The following TLK1 variants were observed in gnomAD, a reference collection of about 807,000 sequenced individuals.
TLK1 encodes the protein tousled like kinase 1.
Under a neutral mutation model 105.3 loss-of-function variants are expected in TLK1, and 24 were observed. That is an observed-to-expected ratio of 0.23 (90% CI 0.17 to 0.32). The LOEUF (loss-of-function observed/expected upper bound fraction) is 0.32. TLK1 is among the 10% of genes least tolerant of loss of function. The pLI is 1.00. For synonymous variants in TLK1, 321 were observed against 310.4 expected, an observed-to-expected ratio of 1.03 and a Z score of -0.36; for missense variants, 558 against 910.5, an observed-to-expected ratio of 0.61 and a Z score of 4.98.
intron 2 of TLK1, among the ~76,000 whole-genome samples, chr2:171,103,296 C>A (rs1689775179): frequency 7.7e-6 from 1 of 129,670 alleles, no homozygotes; most frequent in Non-Finnish European, 1.6e-5. Context: ...TTTTTTGAGA[C>A]ATAAGTCACA....
At chr2:171,106,046 C>T (rs191746128) in intron 2 of TLK1, among the ~76,000 whole-genome samples, 18 of 152,306 alleles carry the variant, frequency 1.2e-4, no homozygotes, top group Admixed American at 9.1e-4. Context: ...TTCTCTCATT[C>T]ACAGCAACAC....
At chr2:171,076,045 C>A (rs1387619020) in intron 3 of TLK1, among the ~76,000 whole-genome samples, 52 of 152,292 alleles carry the variant, frequency 3.4e-4, no homozygotes, top group Admixed American at 5.9e-4. Flanking sequence ...TGGTGAAACC[C>A]TGTCTCCACT....
intron 1 of TLK1, among the ~76,000 whole-genome samples, chr2:171,188,523 GT>G (rs1693079119): frequency 6.6e-6 from 1 of 152,110 alleles, no homozygotes; most frequent in Non-Finnish European, 1.5e-5. Context: ...GGCCAACATA[GT>G]GAAACCCTGT....
At chr2:171,087,281 T>C (rs547391074) in intron 2 of TLK1, among the ~76,000 whole-genome samples, 119 of 152,198 alleles carry the variant, frequency 7.8e-4, no homozygotes, top group African/African-American at 2.7e-3. Context: ...AACGACAAGA[T>C]TGGAAATTTC....
At chr2:171,125,804 T>C (rs1033739953) in intron 1 of TLK1, among the ~76,000 whole-genome samples, 2 of 152,212 alleles carry the variant, frequency 1.3e-5, no homozygotes, top group African/African-American at 4.8e-5. Context: ...ATTTCTGAGA[T>C]TTTGGTGCAC....
chr2:171,108,575 AC>A (rs1020754500), intron 2 of TLK1, among the ~76,000 whole-genome samples: 1 of 152,156 alleles, frequency 6.6e-6, no homozygotes, highest in Non-Finnish European at 1.5e-5. Flanking sequence ...GTATCAAAAA[AC>A]ATATGCTGTC....
chr2:171,141,486 T>C (rs1220184743), intron 1 of TLK1, among the ~76,000 whole-genome samples: 1 of 151,888 alleles, frequency 6.6e-6, no homozygotes, highest in African/African-American at 2.4e-5. Flanking sequence ...AAATAAAAGA[T>C]CACACCTAGA....
At chr2:171,128,305 TC>T (rs1690953917) in intron 1 of TLK1, among the ~76,000 whole-genome samples, 1 of 152,208 alleles carries the variant, frequency 6.6e-6, no homozygotes, top group South Asian at 2.1e-4. Context: ...TTTTCTTTCA[TC>T]AAAAACATAC....
chr2:171,118,613 A>C (rs1372929146), intron 1 of TLK1, among the ~76,000 whole-genome samples: 1 of 152,228 alleles, frequency 6.6e-6, no homozygotes, highest in African/African-American at 2.4e-5. Context: ...GTTATTATGC[A>C]GACTAAAGCA....
chr2:171,111,501 C>T (rs914367149), intron 2 of TLK1, among the ~76,000 whole-genome samples: 5 of 150,822 alleles, frequency 3.3e-5, no homozygotes, highest in South Asian at 4.3e-4. Context: ...AGAGGGACTG[C>T]TTGAGCCTGG....
Position 171,156,914 on chromosome 2 carries a change from T to A in TLK1, c.139+3376A>T, listed in dbSNP as rs188201218. 4.5e-3 allele frequency among the ~76,000 whole-genome samples: 691 copies of A among 152,282 alleles called. 7 individuals are homozygous for A. Among genetic ancestry groups the A allele is most frequent in the African/African-American group, 0.015 (629 of 41,562 alleles). The stretch of plus-strand genomic sequence containing the variant: ...GACGCTATCTAGGCTTACCGCAGCC[T>A]CCACCTCCCAGGCTCAAGCAATCCT... On this transcript the variant is annotated intron_variant, in intron 1 of 20. Transcript: ENST00000431350.
Position 170,991,825 on chromosome 2 carries a change from TAAC to T in TLK1, c.*1952_*1954del, listed in dbSNP as rs1575490550. The T allele has an allele frequency of 6.6e-6, 1 of 152,312 alleles. No individual in the cohort carries two copies. Among genetic ancestry groups the T allele is most frequent in the Non-Finnish European group, 1.5e-5 (1 of 68,010 alleles). The allele number at this position is 152,312 out of a possible 1,614,324, so 9.4% of individuals were successfully genotyped here. On this transcript the variant is annotated 3_prime_UTR_variant, in exon 21 of 21. Transcript: ENST00000431350. ...TTATCATTCATAAAGACGAAAACTC[TAAC>T]AACAAAACTGAAAACTTGCAGGCAG...
At position 171,049,738 on chromosome 2, in the gene TLK1, T is replaced by C. The variant is rs911506583; in HGVS notation, c.980+76A>G. ...GTAGCGAGGAACTGGAGAGCATAAT[T>C]ACAAATCTATAATCTTTTAAAGTAA... On this transcript the variant is annotated intron_variant, in intron 10 of 20. Coordinates refer to ENST00000431350, the MANE Select transcript of TLK1 (RefSeq NM_012290.5). 1.7e-5 allele frequency: 27 copies of C among 1,566,668 alleles called. No individual in the cohort carries two copies. In the East Asian group the frequency reaches 5.4e-4, roughly 31 times the overall value.
chr2:171,139,977 G>A (rs1186185637), intron 1 of TLK1, among the ~76,000 whole-genome samples: 4 of 152,180 alleles, frequency 2.6e-5, no homozygotes, highest in African/African-American at 7.2e-5. Context: ...CTAATGCCAC[G>A]GATGATCTCA....
chr2:171,050,827 T>A (rs1010629904), intron 8 of TLK1, among the ~76,000 whole-genome samples: 2 of 152,188 alleles, frequency 1.3e-5, no homozygotes, highest in Admixed American at 6.5e-5. Context: ...TAGGGCTTGT[T>A]ACAACAGATT....
chr2:171,044,182 G>A (rs1471820557), intron 11 of TLK1, among the ~76,000 whole-genome samples: 1 of 152,124 alleles, frequency 6.6e-6, no homozygotes, highest in African/African-American at 2.4e-5. Flanking sequence ...AGCACTTTGG[G>A]AAACCAAGGC....
chr2:170,994,481 C>G (rs1683952634), intron 20 of TLK1, among the ~76,000 whole-genome samples: 1 of 149,672 alleles, frequency 6.7e-6, no homozygotes, highest in Admixed American at 6.7e-5. Context: ...AATATAATCA[C>G]TATTTTTTTT....
intron 1 of TLK1, among the ~76,000 whole-genome samples, chr2:171,216,300 C>T (rs1693712565): frequency 6.6e-6 from 1 of 152,034 alleles, no homozygotes; most frequent in Non-Finnish European, 1.5e-5. Context: ...TACGGTGAAA[C>T]CCTGTCTCTA....
At chr2:170,996,821 A>AT in intron 19 of TLK1, 61 bp from the exon 20 acceptor site, 1 of 1,415,018 alleles carries the variant, frequency 7.1e-7, no homozygotes, top group East Asian at 2.4e-5. Context: ...CACAGATATC[A>AT]TTTCTGTTTA....
Sources: gnomAD v4.1 joint callset for allele counts (sites outside exome capture counted in the v4.1 genomes callset) on GRCh38, gnomAD v4.1.1 for gene constraint, MANE v1.5 for transcripts, NCBI Gene and HGNC (gene_info 2026-07-23, HGNC 2026-07-21) for gene names.